Variants in GAB2 observed in about 807,000 individuals in gnomAD.
The protein encoded by GAB2 is GRB2 associated binding protein 2.
In GAB2, 26 loss-of-function variants were observed where a neutral mutation model predicts 65.5. The ratio of observed to expected loss-of-function variants is 0.40; its 90% CI spans 0.29 to 0.55. The LOEUF (loss-of-function observed/expected upper bound fraction) is 0.55. GAB2 is among the 20% of genes least tolerant of loss of function. The pLI is 0.53. For missense variants in GAB2, 884 were observed against 875.8 expected (o/e 1.01, Z -0.12); for synonymous variants, 321 against 329.6 (o/e 0.97, Z 0.28).
chr11:78,382,409 C>T (rs1219932734), intron 1 of GAB2, among the ~76,000 whole-genome samples: 2 of 150,856 alleles, frequency 1.3e-5, no homozygotes, highest in East Asian at 1.9e-4. Context: ...GACAGAGTCT[C>T]GCTCTGTCGC....
intron 1 of GAB2, among the ~76,000 whole-genome samples, chr11:78,371,275 T>A (rs1565176232): frequency 6.6e-6 from 1 of 152,226 alleles, no homozygotes; most frequent in Non-Finnish European, 1.5e-5. Context: ...TACTCAGTAG[T>A]CTAATGAAAA....
intron 1 of GAB2, among the ~76,000 whole-genome samples, chr11:78,393,977 T>C (rs1044472303): frequency 4.6e-5 from 7 of 152,186 alleles, no homozygotes; most frequent in Admixed American, 2.0e-4. Context: ...GCCAGGCTAA[T>C]TAAAGAATTT....
rs1287014097 is a variant in GAB2, at chr11:78,280,921, A to C, written c.76-20T>G. On this transcript the variant is annotated intron_variant, in intron 1 of 9. Transcript: ENST00000361507. The stretch of plus-strand genomic sequence containing the variant: ...CCAGGCCTAAATCATATCAGGAAGG[A>C]GTAAGAAGAGGGGGAAGAAGTCATT... 29 of 1,597,714 alleles carry C rather than the reference A, an allele frequency of 1.8e-5. No homozygotes were observed. The highest frequency in any genetic ancestry group is 2.5e-5 in the Non-Finnish European group (29 of 1,166,596).
At chr11:78,304,843 A>C (rs1188218324) in intron 1 of GAB2, among the ~76,000 whole-genome samples, 6 of 152,156 alleles carry the variant, frequency 3.9e-5, no homozygotes, top group Non-Finnish European at 8.8e-5. Context: ...TGCTACCTGA[A>C]ATTTTCAACC....
Position 78,221,744 on chromosome 11 carries a change from C to T in GAB2, c.1694G>A (p.Arg565His), listed in dbSNP as rs563245503. ...GGTGATGCTCTGGGTGGAGATGGGG[C>T]GGCAGTACTGGGAGGAGCTGGAGTT... Reference protein sequence around the residue: ...TFNSSSSQYCRPISTQSITST... With the variant: ...TFNSSSSQYCHPISTQSITST... The change falls in exon 8 of 10, where the codon CGC becomes CAC. Residue 565 changes from arginine (R) to histidine (H), a missense_variant. Transcript: ENST00000361507. 21 of 1,613,412 alleles carry T rather than the reference C, an allele frequency of 1.3e-5. No individual in the cohort carries two copies. The highest frequency in any genetic ancestry group is 3.3e-5 in the Admixed American group (2 of 59,980).
chr11:78,289,889 A>C (rs1272875848), intron 1 of GAB2, among the ~76,000 whole-genome samples: 1 of 148,660 alleles, frequency 6.7e-6, no homozygotes, highest in East Asian at 2.0e-4. Context: ...GCATGGGAAC[A>C]GATAAAATAG....
intron 2 of GAB2, among the ~76,000 whole-genome samples, chr11:78,254,883 C>G (rs575951193): frequency 3.3e-5 from 5 of 151,770 alleles, no homozygotes; most frequent in Non-Finnish European, 7.4e-5. Context: ...TAAAACTTGC[C>G]AAAATCCCAC....
At chr11:78,329,225 T>C (rs1438859671) in intron 1 of GAB2, among the ~76,000 whole-genome samples, 4 of 152,180 alleles carry the variant, frequency 2.6e-5, no homozygotes, top group Non-Finnish European at 5.9e-5. Context: ...AGAACATTTT[T>C]GGGGTTTTGT....
chr11:78,284,745 A>G (rs535249018), intron 1 of GAB2, among the ~76,000 whole-genome samples: 45 of 151,858 alleles, frequency 3.0e-4, no homozygotes, highest in African/African-American at 1.0e-3. Context: ...ATACCCCCAA[A>G]AGATATCAAT....
intron 1 of GAB2, among the ~76,000 whole-genome samples, chr11:78,330,069 C>T (rs2134675652): frequency 6.6e-6 from 1 of 152,324 alleles, no homozygotes; most frequent in South Asian, 2.1e-4. Flanking sequence ...TATCCAGCCT[C>T]CTGAGTGCCA....
intron 1 of GAB2, among the ~76,000 whole-genome samples, chr11:78,384,093 G>T (rs116432447): frequency 6.6e-6 from 1 of 152,114 alleles, no homozygotes; most frequent in Non-Finnish European, 1.5e-5. Context: ...CATTGATTTT[G>T]TACCAAACCT....
At chr11:78,309,213 C>T (rs974768056) in intron 1 of GAB2, among the ~76,000 whole-genome samples, 3 of 152,096 alleles carry the variant, frequency 2.0e-5, no homozygotes, top group Non-Finnish European at 2.9e-5. Flanking sequence ...GAGTAGCAGA[C>T]TCAAGCAATT....
At chr11:78,401,306 C>T (rs73502963) in intron 1 of GAB2, among the ~76,000 whole-genome samples, 2,618 of 152,214 alleles carry the variant, frequency 0.017, 71 homozygotes, top group African/African-American at 0.06. Flanking sequence ...TGTCCCCTAC[C>T]CCTAGCCCCT....
At chr11:78,314,050 T>TGTCA (rs1409927372) in intron 1 of GAB2, among the ~76,000 whole-genome samples, 21 of 152,036 alleles carry the variant, frequency 1.4e-4, no homozygotes, top group Admixed American at 1.4e-3. Context: ...GATGTGGGAG[T>TGTCA]GTCAAGTCCT....
chr11:78,388,711 T>C (rs769858368), intron 1 of GAB2, among the ~76,000 whole-genome samples: 16 of 152,150 alleles, frequency 1.1e-4, no homozygotes, highest in Non-Finnish European at 5.9e-5. Context: ...CTACCAACCT[T>C]TTGCCCTCAG....
intron 2 of GAB2, among the ~76,000 whole-genome samples, chr11:78,258,500 TTTTA>T (rs1262624061): frequency 6.6e-6 from 1 of 152,122 alleles, no homozygotes; most frequent in Admixed American, 6.5e-5. Context: ...TCTGAAACTA[TTTTA>T]TTTAATTTTT....
intron 2 of GAB2, among the ~76,000 whole-genome samples, chr11:78,273,556 A>C (rs528217570): frequency 2.0e-5 from 3 of 152,364 alleles, no homozygotes; most frequent in African/African-American, 7.2e-5. Context: ...CTAGGAAATA[A>C]CTAACTTGCT....
chr11:78,297,253 T>C (rs1189920686), intron 1 of GAB2, among the ~76,000 whole-genome samples: 2 of 151,932 alleles, frequency 1.3e-5, no homozygotes, highest in African/African-American at 2.4e-5. Context: ...GAGAAAATTA[T>C]TGAAGGTAAG....
chr11:78,225,242 T>G, intron 4 of GAB2, 40 bp from the exon 5 acceptor site: 5 of 1,357,228 alleles, frequency 3.7e-6, no homozygotes, highest in Non-Finnish European at 5.3e-6. Context: ...TCATGGTTGA[T>G]TCATGTGTTG....
Sources: allele counts gnomAD v4.1 joint callset (sites outside exome capture counted in the v4.1 genomes callset), GRCh38; gene constraint gnomAD v4.1.1; transcripts MANE v1.5; gene names NCBI Gene and HGNC (gene_info 2026-07-23, HGNC 2026-07-21).